The following VRK1 variants were observed in gnomAD, a reference collection of about 807,000 sequenced individuals.
VRK1 encodes VRK serine/threonine kinase 1, also known as serine/threonine-protein kinase VRK1.
In VRK1, 33 loss-of-function variants were observed where a neutral mutation model predicts 57.1. That is an observed-to-expected ratio of 0.58 (90% CI 0.44 to 0.77). The LOEUF is 0.77. VRK1 is among the 30% of genes least tolerant of loss of function. The probability of loss-of-function intolerance (pLI) is 0.00; values close to 1 mark genes in which losing one functional copy is unlikely to be tolerated. For missense variants in VRK1, 413 were observed against 477.3 expected, an observed-to-expected ratio of 0.87 and a Z score of 1.25; for synonymous variants, 137 against 147.8, an observed-to-expected ratio of 0.93 and a Z score of 0.53.
At chr14:96,829,144 C>T (rs1309165345) in intron 1 of VRK1, among the ~76,000 whole-genome samples, 5 of 151,454 alleles carry the variant, frequency 3.3e-5, no homozygotes, top group Non-Finnish European at 5.9e-5. Flanking sequence ...AAAAATGAGC[C>T]GAGGTTACTC....
chr14:96,798,177 AC>A (rs1885516618), intron 1 of VRK1, among the ~76,000 whole-genome samples: 1 of 152,128 alleles, frequency 6.6e-6, no homozygotes, highest in Non-Finnish European at 1.5e-5. Context: ...TTTGCAAGGG[AC>A]TTTCATAACC....
At chr14:96,811,230 C>T (rs537972260) in intron 1 of VRK1, among the ~76,000 whole-genome samples, 11 of 152,290 alleles carry the variant, frequency 7.2e-5, no homozygotes, top group Admixed American at 4.6e-4. Flanking sequence ...CGCGCCCAGC[C>T]TCTGATCTTA....
Position 96,853,075 on chromosome 14 carries a change from T to C in VRK1, c.485T>C (p.Leu162Pro). The C allele has an allele frequency of 6.2e-7, 1 of 1,613,766 alleles. No individual in the cohort carries two copies. The highest frequency in any genetic ancestry group is 8.5e-7 in the Non-Finnish European group (1 of 1,179,730). Residue 162 changes from leucine (L) to proline (P), a missense_variant and splice_region_variant, in exon 7 of 13, where the codon CTG (leucine) becomes CCG (proline). By Grantham distance (98) the Leu-to-Pro change is moderately conservative (BLOSUM62 -3). Coordinates refer to ENST00000216639, the MANE Select transcript of VRK1 (RefSeq NM_003384.3). Reference sequence around the variant, plus strand: ...TTATTCTGTATGATACTTTCATAGCTGGATATTCTGGAATATATTCACGAG... The same window carrying C: ...TTATTCTGTATGATACTTTCATAGCCGGATATTCTGGAATATATTCACGAG... ...KTVLQLSLRILDILEYIHEHE... is the reference protein window; with the variant it reads ...KTVLQLSLRIPDILEYIHEHE...
intron 7 of VRK1, among the ~76,000 whole-genome samples, chr14:96,853,425 T>G (rs910228307): frequency 5.3e-5 from 8 of 152,126 alleles, no homozygotes; most frequent in African/African-American, 1.9e-4. Context: ...AAATAGCTAT[T>G]TGGGGGTGGA....
At chr14:96,799,629 C>T (rs758044648) in intron 1 of VRK1, among the ~76,000 whole-genome samples, 5 of 152,196 alleles carry the variant, frequency 3.3e-5, no homozygotes, top group Admixed American at 1.3e-4. Context: ...ATGCTTATAT[C>T]TCCGTAGATC....
chr14:96,869,842 A>G (rs1888744243), intron 11 of VRK1, among the ~76,000 whole-genome samples: 1 of 152,132 alleles, frequency 6.6e-6, no homozygotes, highest in East Asian at 1.9e-4. Context: ...AGGGAAGATC[A>G]GGTAGTATGT....
At chr14:96,831,655 C>T (rs559858131) in intron 1 of VRK1, among the ~76,000 whole-genome samples, 1 of 152,120 alleles carries the variant, frequency 6.6e-6, no homozygotes, top group African/African-American at 2.4e-5. Context: ...ATTTTTGTCA[C>T]TTCTGGAAAG....
At chr14:96,870,079 A>G (rs1888756871) in intron 11 of VRK1, among the ~76,000 whole-genome samples, 1 of 152,212 alleles carries the variant, frequency 6.6e-6, no homozygotes, top group Admixed American at 6.5e-5. Context: ...TGCTCAGTAC[A>G]GGTAATAGGA....
chr14:96,827,768 T>A (rs573027731), intron 1 of VRK1, among the ~76,000 whole-genome samples: 1 of 151,408 alleles, frequency 6.6e-6, no homozygotes, highest in East Asian at 1.9e-4. Context: ...TTTAATTGAT[T>A]GTTTGTTTTC....
At chr14:96,836,342 A>G (rs181109823) in intron 2 of VRK1, among the ~76,000 whole-genome samples, 41 of 151,974 alleles carry the variant, frequency 2.7e-4, no homozygotes, top group Non-Finnish European at 3.2e-4. Flanking sequence ...CCCTCTTCCA[A>G]TGGCTCCCCA....
chr14:96,817,906 G>A (rs1357740663), intron 1 of VRK1, among the ~76,000 whole-genome samples: 1 of 152,158 alleles, frequency 6.6e-6, no homozygotes, highest in Admixed American at 6.5e-5. Flanking sequence ...AGGTGTCACC[G>A]CTTTTTGAAG....
chr14:96,823,770 T>C (rs1381121047), intron 1 of VRK1, among the ~76,000 whole-genome samples: 2 of 152,204 alleles, frequency 1.3e-5, no homozygotes, highest in Admixed American at 1.3e-4. Flanking sequence ...ACAACAACTC[T>C]CTTTTCTCCC....
At chr14:96,808,840 G>T (rs1473520983) in intron 1 of VRK1, among the ~76,000 whole-genome samples, 1 of 152,130 alleles carries the variant, frequency 6.6e-6, no homozygotes, top group Non-Finnish European at 1.5e-5. Flanking sequence ...ACTTACTAGT[G>T]TAAAATAACA....
intron 2 of VRK1, among the ~76,000 whole-genome samples, chr14:96,837,090 T>C (rs1026022285): frequency 6.6e-6 from 1 of 152,234 alleles, no homozygotes; most frequent in East Asian, 1.9e-4. Flanking sequence ...GTAAGGATTT[T>C]TTCCTGTTCA....
Position 96,818,635 on chromosome 14 carries a change from T to G in VRK1, c.-5-14832T>G, listed in dbSNP as rs180731948. On this transcript the variant is annotated intron_variant, in intron 1 of 12. Transcript: ENST00000216639. ...GTTGTGTTATATTTTGATACTTATT[T>G]TTTTAATGTTATAAAGGTACCATAT... Among the ~76,000 whole-genome samples, 12 of 152,300 alleles carry G rather than the reference T, an allele frequency of 7.9e-5. No individual in the cohort carries two copies. The East Asian group carries it at 1.9e-3, about 24-fold the overall frequency.
At chr14:96,854,874 TG>T (rs1240564996) in intron 7 of VRK1, among the ~76,000 whole-genome samples, 1 of 152,218 alleles carries the variant, frequency 6.6e-6, no homozygotes, top group Non-Finnish European at 1.5e-5. Context: ...CGGTTTGCTC[TG>T]TGCTCAATTT....
chr14:96,800,458 A>G (rs541881056), intron 1 of VRK1, among the ~76,000 whole-genome samples: 106 of 152,262 alleles, frequency 7.0e-4, no homozygotes, highest in African/African-American at 2.3e-3. Context: ...GAGAGGTACG[A>G]GCGATGGCCC....
intron 3 of VRK1, among the ~76,000 whole-genome samples, chr14:96,845,333 C>G (rs958228232): frequency 6.6e-5 from 10 of 152,138 alleles, no homozygotes; most frequent in Non-Finnish European, 1.3e-4. Flanking sequence ...CTTTTCCACT[C>G]TTACATATTT....
rs1258355130 is a variant in VRK1, at chr14:96,860,641, T to C, written c.974T>C (p.Leu325Ser). ...PLYENLRDIL[L>S]QGLKAIGSKD... is the part of the protein sequence containing the mutation. ...TATGAAAATTTACGTGACATTCTTT[T>C]GCAAGGACTAAAAGCTATAGGAAGT... The change falls in exon 11 of 13, where the codon TTG (leucine) becomes TCG (serine). Residue 325 changes from leucine to serine, a missense_variant. By Grantham distance (145) the Leu-to-Ser change is moderately radical. Around this residue, in one of 3 missense-constraint regions of VRK1, gnomAD observed 146 missense variants for 138.2 expected, o/e 1.06. Coordinates refer to ENST00000216639, the MANE Select transcript of VRK1 (RefSeq NM_003384.3). 8 of 1,613,284 alleles carry C rather than the reference T, an allele frequency of 5.0e-6. No individual in the cohort carries two copies.
Sources: gnomAD v4.1 joint callset for allele counts (sites outside exome capture counted in the v4.1 genomes callset) on GRCh38, gnomAD v4.1.1 for gene constraint, gnomAD v4.1.1 regional missense constraint, MANE v1.5 for transcripts, NCBI Gene and HGNC (gene_info 2026-07-23, HGNC 2026-07-21) for gene names.